The following ZNF407 variants were observed in gnomAD, a reference collection of about 807,000 sequenced individuals.
The protein encoded by ZNF407 is zinc finger protein 407.
Under a neutral mutation model 131.2 loss-of-function variants are expected in ZNF407, and 17 were observed. The observed-to-expected ratio is 0.13, with a 90% CI of 0.09 to 0.19. The LOEUF (loss-of-function observed/expected upper bound fraction) is 0.19, where lower values mean the gene tolerates loss of function less well. ZNF407 is among the 10% of genes least tolerant of loss of function. The probability of loss-of-function intolerance (pLI) is 1.00; values close to 1 mark genes in which losing one functional copy is unlikely to be tolerated. For synonymous variants in ZNF407, 1,156 were observed against 1,062.0 expected, an observed-to-expected ratio of 1.09 and a Z score of -1.72; for missense variants, 2,681 against 2,830.6, an observed-to-expected ratio of 0.95 and a Z score of 1.20.
chr18:74,640,787 T>TCC (rs1462012731), intron 2 of ZNF407, among the ~76,000 whole-genome samples: 4 of 152,142 alleles, frequency 2.6e-5, no homozygotes, highest in Non-Finnish European at 5.9e-5. Flanking sequence ...AATCTTAGGA[T>TCC]TGTTAGTGGA....
intron 3 of ZNF407, among the ~76,000 whole-genome samples, chr18:74,747,952 A>G (rs886384455): frequency 2.6e-5 from 4 of 152,150 alleles, no homozygotes; most frequent in Non-Finnish European, 5.9e-5. Context: ...TGTAACATTG[A>G]AGAATTTGTC....
At chr18:74,688,083 A>G (rs1469152409) in intron 3 of ZNF407, among the ~76,000 whole-genome samples, 1 of 152,180 alleles carries the variant, frequency 6.6e-6, no homozygotes, top group Non-Finnish European at 1.5e-5. Context: ...TTTCTTTAGA[A>G]CACTTTGTTT....
intron 3 of ZNF407, among the ~76,000 whole-genome samples, chr18:74,747,809 C>A (rs1339736206): frequency 1.3e-5 from 2 of 152,020 alleles, no homozygotes; most frequent in Admixed American, 1.3e-4. Context: ...ATATAATTTT[C>A]TGAGTGAAAC....
chr18:74,934,787 C>T (rs1346936556), intron 8 of ZNF407, among the ~76,000 whole-genome samples: 1 of 152,196 alleles, frequency 6.6e-6, no homozygotes. Flanking sequence ...GCCTGGGCGA[C>T]AGAGCGAGAC....
intron 3 of ZNF407, among the ~76,000 whole-genome samples, chr18:74,710,290 T>G (rs947314724): frequency 6.6e-6 from 1 of 152,252 alleles, no homozygotes; most frequent in African/African-American, 2.4e-5. Context: ...TAGTGTAGCA[T>G]GAGGCTTCTC....
At chr18:74,907,067 A>G (rs1971606285) in intron 7 of ZNF407, among the ~76,000 whole-genome samples, 1 of 152,232 alleles carries the variant, frequency 6.6e-6, no homozygotes, top group Non-Finnish European at 1.5e-5. Flanking sequence ...AAAAGCTGAA[A>G]GGACCCATAC....
At position 74,652,603 on chromosome 18, in the gene ZNF407, C is replaced by T. The variant is rs1483172803; in HGVS notation, c.4802+11481C>T. Among the ~76,000 whole-genome samples, 2 of 152,000 alleles carry T rather than the reference C, an allele frequency of 1.3e-5. 1 individual carries two copies. Among genetic ancestry groups the T allele is most frequent in the Non-Finnish European group, 2.9e-5 (2 of 67,916 alleles). On this transcript the variant is annotated intron_variant, in intron 3 of 8. Coordinates refer to ENST00000299687, the MANE Select transcript of ZNF407 (RefSeq NM_017757.3). ...GCAATATTATGTTACTCTAACACTT[C>T]TACTGGGGTAAGTTTTGTGATTGAA...
rs370595733 is a variant in ZNF407, at chr18:74,881,077, G to A, written c.5086G>A (p.Gly1696Arg). The change falls in exon 6 of 9, where the codon GGG becomes AGG. Residue 1696 changes from glycine (G) to arginine (R), a missense_variant. Gly to Arg is a moderately radical substitution (Grantham distance 125). Coordinates refer to ENST00000299687, the MANE Select transcript of ZNF407 (RefSeq NM_017757.3). The part of the protein sequence containing the change: ...FLCDLCGFAG[G>R]TRHALTKHRR... ...GTGTGACCTCTGCGGCTTTGCCGGC[G>A]GGACCCGCCACGCCCTCACCAAGCA... 1.7e-5 allele frequency: 26 copies of A among 1,566,468 alleles called. No homozygotes were observed. Among genetic ancestry groups the A allele is most frequent in the Admixed American group, 1.9e-5 (1 of 53,878 alleles).
intron 4 of ZNF407, among the ~76,000 whole-genome samples, chr18:74,820,243 G>A (rs1222234883): frequency 6.6e-6 from 1 of 152,226 alleles, no homozygotes; most frequent in African/African-American, 2.4e-5. Flanking sequence ...AGGGCAGGCA[G>A]CAGGTGTCCC....
intron 7 of ZNF407, among the ~76,000 whole-genome samples, chr18:74,916,555 GT>G (rs1971769040): frequency 1.5e-5 from 1 of 68,026 alleles, no homozygotes; most frequent in African/African-American, 5.2e-5. Flanking sequence ...AATCGGGAGT[GT>G]GTGTGTGTGT....
intron 8 of ZNF407, among the ~76,000 whole-genome samples, chr18:75,018,162 C>T (rs1340607187): frequency 6.6e-6 from 1 of 151,856 alleles, no homozygotes; most frequent in African/African-American, 2.4e-5. Context: ...ACTTTATGAT[C>T]GAGTATCTGT....
intron 1 of ZNF407, among the ~76,000 whole-genome samples, chr18:74,621,157 A>G (rs1983494124): frequency 6.6e-6 from 1 of 152,004 alleles, no homozygotes. Flanking sequence ...GCAGGTGTGT[A>G]TATTTATGGG....
At chr18:74,937,236 G>A (rs962563988) in intron 8 of ZNF407, among the ~76,000 whole-genome samples, 4 of 152,156 alleles carry the variant, frequency 2.6e-5, no homozygotes, top group African/African-American at 7.2e-5. Context: ...CTAGATAATT[G>A]ACCATATCAT....
At chr18:74,975,643 A>G (rs1439621881) in intron 8 of ZNF407, among the ~76,000 whole-genome samples, 1 of 152,192 alleles carries the variant, frequency 6.6e-6, no homozygotes, top group East Asian at 1.9e-4. Flanking sequence ...AGAGACCACC[A>G]TTTCTCTATA....
chr18:74,925,547 T>A lies in ZNF407; in HGVS notation c.5428+4855T>A, dbSNP rs991067838. On this transcript the variant is annotated intron_variant, in intron 8 of 8. Transcript: ENST00000299687. ...TGTCATTAATTAGAACCATTAGTGT[T>A]CAATACATAGAACCTTGTAGAATAG... 1.2e-4 allele frequency among the ~76,000 whole-genome samples: 18 copies of A among 152,226 alleles called. 1 individual carries two copies. The highest frequency in any genetic ancestry group is 1.8e-4 in the Non-Finnish European group (12 of 68,036).
intron 8 of ZNF407, among the ~76,000 whole-genome samples, chr18:75,008,013 G>T (rs1457405463): frequency 6.6e-6 from 1 of 152,200 alleles, no homozygotes; most frequent in Non-Finnish European, 1.5e-5. Context: ...GGCTCAAGGG[G>T]AATAAGTTTA....
intron 3 of ZNF407, among the ~76,000 whole-genome samples, chr18:74,672,652 C>T (rs1394535056): frequency 2.0e-5 from 3 of 150,244 alleles, no homozygotes; most frequent in African/African-American, 4.9e-5. Context: ...GAGCACTGTT[C>T]GTCTGTTCAT....
At chr18:74,676,681 G>T (rs568012486) in intron 3 of ZNF407, among the ~76,000 whole-genome samples, 2 of 152,026 alleles carry the variant, frequency 1.3e-5, no homozygotes, top group Non-Finnish European at 2.9e-5. Flanking sequence ...TGATCTGCCC[G>T]CCTTGGCCTC....
intron 3 of ZNF407, among the ~76,000 whole-genome samples, chr18:74,717,961 G>T (rs1967935252): frequency 6.6e-6 from 1 of 152,040 alleles, no homozygotes; most frequent in African/African-American, 2.4e-5. Flanking sequence ...TTTCTCATCT[G>T]TTAAATTTTA....
Sources: allele counts gnomAD v4.1 joint callset (sites outside exome capture counted in the v4.1 genomes callset), GRCh38; gene constraint gnomAD v4.1.1; transcripts MANE v1.5; gene names NCBI Gene and HGNC (gene_info 2026-07-23, HGNC 2026-07-21).